The following PLCG2 variants were observed in gnomAD, a reference collection of about 807,000 sequenced individuals.
The protein encoded by PLCG2 is phospholipase C gamma 2.
PLCG2 carries 69 observed loss-of-function variants against 175.6 expected under a neutral mutation model. The ratio of observed to expected loss-of-function variants is 0.39; its 90% CI spans 0.32 to 0.48. The LOEUF (loss-of-function observed/expected upper bound fraction) is 0.48. PLCG2 is among the 20% of genes least tolerant of loss of function. The pLI is 0.91. For missense variants in PLCG2, 1,798 were observed against 1,650.9 expected (o/e 1.09, Z -1.54); for synonymous variants, 827 against 624.0 (o/e 1.33, Z -4.85).
chr16:81,872,195 G>A (rs1669012518), intron 7 of PLCG2, among the ~76,000 whole-genome samples: 1 of 152,146 alleles, frequency 6.6e-6, no homozygotes, highest in African/African-American at 2.4e-5. Context: ...AGGCATGGTG[G>A]TGTGCACCCG....
intron 2 of PLCG2, among the ~76,000 whole-genome samples, chr16:81,852,901 T>G (rs1597355298): frequency 1.3e-5 from 2 of 152,218 alleles, no homozygotes; most frequent in East Asian, 3.9e-4. Flanking sequence ...CTGAGGGCAT[T>G]GATTCTTCTT....
chr16:81,911,590 T>G (rs1020214025), intron 18 of PLCG2, among the ~76,000 whole-genome samples: 1 of 111,516 alleles, frequency 9.0e-6, no homozygotes, highest in Non-Finnish European at 1.8e-5. Context: ...TGTGCCACTG[T>G]GCCCAGCTAA....
At chr16:81,921,384 C>A (rs776257021) in intron 21 of PLCG2, 115 bp downstream of exon 21, 17 of 733,108 alleles carry the variant, frequency 2.3e-5, no homozygotes, top group Admixed American at 4.0e-5. Context: ...AAAACCTGGC[C>A]AAAATAATTT....
Position 81,786,109 on chromosome 16 carries a change from G to A in PLCG2, c.120G>A (p.Arg40=). 1 of 1,614,216 alleles carries A rather than the reference G, an allele frequency of 6.2e-7. No individual in the cohort carries two copies. The highest frequency in any genetic ancestry group is 8.5e-7 in the Non-Finnish European group (1 of 1,180,040). ...GCTTCCGCAAGTCCACCCCCGAGCG[G>A]AGAACCGTCCAGGTGATCATGGAGA... ...VFSFRKSTPE[R]RTVQVIMETR... Residue 40 remains arginine, a synonymous_variant, in exon 2 of 33, where the codon CGG becomes CGA. Coordinates refer to ENST00000564138, the MANE Select transcript of PLCG2 (RefSeq NM_002661.5).
Position 81,819,149 on chromosome 16 carries a change from A to C in PLCG2, c.193+32967A>C, listed in dbSNP as rs4429291. 2.8e-4 allele frequency among the ~76,000 whole-genome samples: 43 copies of C among 152,116 alleles called. 1 individual carries two copies. Among genetic ancestry groups the C allele is most frequent in the African/African-American group, 9.9e-4 (41 of 41,460 alleles). On this transcript the variant is annotated intron_variant, in intron 2 of 32. Transcript: ENST00000564138. ...TCGGCCTGACTGTGGGGTTCAGTGG[A>C]GGTTGGCGGTGCTTGAGCATGGAAG...
At chr16:81,830,305 TTTC>T (rs1333113846) in intron 2 of PLCG2, among the ~76,000 whole-genome samples, 3 of 151,976 alleles carry the variant, frequency 2.0e-5, no homozygotes, top group East Asian at 1.9e-4. Flanking sequence ...GTCTTGTCTT[TTTC>T]TTCTTCTTTT....
At chr16:81,887,493 A>C (rs1410782373) in intron 9 of PLCG2, among the ~76,000 whole-genome samples, 1 of 152,190 alleles carries the variant, frequency 6.6e-6, no homozygotes, top group Non-Finnish European at 1.5e-5. Context: ...CTCTGTATTC[A>C]AATGAGCTTG....
intron 2 of PLCG2, among the ~76,000 whole-genome samples, chr16:81,795,199 C>G (rs1012758005): frequency 6.6e-6 from 1 of 152,188 alleles, no homozygotes; most frequent in African/African-American, 2.4e-5. Context: ...CAGACTAACA[C>G]ATTCAATCAT....
chr16:81,884,918 C>T (rs1376440262), intron 9 of PLCG2, among the ~76,000 whole-genome samples: 2 of 152,038 alleles, frequency 1.3e-5, no homozygotes, highest in Non-Finnish European at 2.9e-5. Context: ...AGGTCTCACT[C>T]ACCCCCTTGC....
chr16:81,831,443 T>A (rs149935471), intron 2 of PLCG2, among the ~76,000 whole-genome samples: 1 of 152,368 alleles, frequency 6.6e-6, no homozygotes, highest in African/African-American at 2.4e-5. Flanking sequence ...CACTTGGCCA[T>A]GAACTTGGTC....
At chr16:81,874,571 A>C (rs1472920125) in intron 7 of PLCG2, among the ~76,000 whole-genome samples, 1 of 152,166 alleles carries the variant, frequency 6.6e-6, no homozygotes, top group Non-Finnish European at 1.5e-5. Flanking sequence ...AGAGAAAAGT[A>C]CCTGTTTTGT....
At chr16:81,872,315 G>A (rs963657251) in intron 7 of PLCG2, among the ~76,000 whole-genome samples, 1 of 152,190 alleles carries the variant, frequency 6.6e-6, no homozygotes, top group African/African-American at 2.4e-5. Context: ...GCAACAGAGT[G>A]AGACTCCATC....
chr16:81,923,484 G>A lies in PLCG2; in HGVS notation c.2308-1G>A. On this transcript the variant is annotated splice_acceptor_variant, in intron 21 of 32. Transcript: ENST00000564138. LOFTEE classifies it high-confidence loss of function. ...CTTTTCCTTCTTGTTTTCCCTGAAA[G>A]CCTCAGAGAACCGTGAAAGCTCTGT... 1 of 1,598,100 alleles carries A rather than the reference G, an allele frequency of 6.3e-7. No homozygotes were observed. The highest frequency in any genetic ancestry group is 1.1e-5 in the South Asian group (1 of 90,712).
intron 2 of PLCG2, among the ~76,000 whole-genome samples, chr16:81,843,225 C>T (rs1905930391): frequency 6.6e-6 from 1 of 152,112 alleles, no homozygotes; most frequent in South Asian, 2.1e-4. Context: ...AAATTTGAAC[C>T]CATGCAGACA....
At chr16:81,855,632 TG>T (rs1232893638) in intron 3 of PLCG2, among the ~76,000 whole-genome samples, 1 of 152,158 alleles carries the variant, frequency 6.6e-6, no homozygotes, top group African/African-American at 2.4e-5. Context: ...TCAGTCGACT[TG>T]GGGAGACAGA....
chr16:81,890,136 T>C (rs1421629102), intron 10 of PLCG2, among the ~76,000 whole-genome samples: 1 of 152,128 alleles, frequency 6.6e-6, no homozygotes, highest in Non-Finnish European at 1.5e-5. Flanking sequence ...AGGCCAATCT[T>C]AGGTTAAACC....
chr16:81,951,370 A>C (rs1219051983), intron 31 of PLCG2, among the ~76,000 whole-genome samples: 2 of 152,250 alleles, frequency 1.3e-5, no homozygotes, highest in Non-Finnish European at 2.9e-5. Context: ...AATAAACTAC[A>C]GCAAATGGAT....
intron 26 of PLCG2, 103 bp from the exon 27 acceptor site, chr16:81,936,066 C>A: frequency 6.7e-7 from 1 of 1,502,066 alleles, no homozygotes; most frequent in South Asian, 1.3e-5. Flanking sequence ...AGGGAGATTC[C>A]TGGTTTCCTT....
intron 21 of PLCG2, 120 bp from the exon 22 acceptor site, chr16:81,923,365 A>T (rs1424893301): frequency 1.6e-6 from 1 of 618,998 alleles, no homozygotes. Flanking sequence ...ATGACTTTGT[A>T]ACCTTGGCCT....
Sources: allele counts gnomAD v4.1 joint callset (sites outside exome capture counted in the v4.1 genomes callset), GRCh38; gene constraint gnomAD v4.1.1; transcripts MANE v1.5; gene names NCBI Gene and HGNC (gene_info 2026-07-23, HGNC 2026-07-21).